Variants in QRFPR observed in about 807,000 individuals in gnomAD.
The protein encoded by QRFPR is pyroglutamylated RF-amide peptide receptor.
QRFPR carries 37 observed loss-of-function variants against 31.3 expected under a neutral mutation model. That is an observed-to-expected ratio of 1.18 (90% CI 0.91 to 1.56). QRFPR has a LOEUF of 1.56. QRFPR is among the 40% of genes most tolerant of loss of function. QRFPR has a pLI of 0.00. For missense variants in QRFPR, 542 were observed against 532.5 expected, an observed-to-expected ratio of 1.02 and a Z score of -0.18; for synonymous variants, 197 against 192.0, an observed-to-expected ratio of 1.03 and a Z score of -0.22.
intron 5 of QRFPR, 94 bp downstream of exon 5, chr4:121,330,332 T>G (rs1725298337): frequency 1.2e-6 from 1 of 837,230 alleles, no homozygotes; most frequent in Non-Finnish European, 1.9e-6. Context: ...TATTTGATTA[T>G]CCAAGTGAAC....
chr4:121,336,297 T>A (rs1337330344), intron 3 of QRFPR, among the ~76,000 whole-genome samples: 1 of 152,152 alleles, frequency 6.6e-6, no homozygotes, highest in African/African-American at 2.4e-5. Flanking sequence ...TGGGCCTGTC[T>A]GACAAAGGTG....
intron 1 of QRFPR, among the ~76,000 whole-genome samples, chr4:121,350,044 G>A (rs952422272): frequency 1.3e-5 from 2 of 152,186 alleles, no homozygotes; most frequent in Admixed American, 1.3e-4. Flanking sequence ...TTAAAATGTA[G>A]TTATTGTCAA....
chr4:121,352,608 A>G (rs759229119), intron 1 of QRFPR, among the ~76,000 whole-genome samples: 2 of 152,070 alleles, frequency 1.3e-5, no homozygotes, highest in Non-Finnish European at 2.9e-5. Context: ...CATAATGGTT[A>G]TACATATTTA....
chr4:121,349,243 T>C (rs1725718827), intron 1 of QRFPR, among the ~76,000 whole-genome samples: 2 of 152,182 alleles, frequency 1.3e-5, no homozygotes, highest in Admixed American at 1.3e-4. Context: ...TTTACTCTTT[T>C]TCCATAGCCC....
chr4:121,380,205 G>GAGAGAGAGAGAGAGAGAA, intron 1 of QRFPR, 103 bp downstream of exon 1: 1 of 326,440 alleles, frequency 3.1e-6, no homozygotes, highest in Non-Finnish European at 5.5e-6. Flanking sequence ...GAGAGAGAGA[G>GAGAGAGAGAGAGAGAGAA]AGAGAGAGAG....
At position 121,380,503 on chromosome 4, in the gene QRFPR, C is replaced by G; in HGVS notation, c.145G>C (p.Val49Leu). The change falls in exon 1 of 6, where the codon GTG becomes CTG. Residue 49 changes from valine (V) to leucine (L), a missense_variant. Physicochemically the swap from Val to Leu is conservative, Grantham distance 32. Coordinates refer to ENST00000394427, the MANE Select transcript of QRFPR (RefSeq NM_198179.3). ...ELPGRAKLAL[V>L]LTGVLIFALA... The stretch of plus-strand genomic sequence containing the variant: ...GCGAAGATGAGCACGCCGGTGAGCA[C>G]GAGGGCCAGCTTGGCGCGTCCCGGC... 5.0e-6 allele frequency: 8 copies of G among 1,614,146 alleles called. No homozygotes were observed. The highest frequency in any genetic ancestry group is 6.8e-6 in the Non-Finnish European group (8 of 1,179,996).
chr4:121,341,981 T>C (rs1725551408), intron 1 of QRFPR, among the ~76,000 whole-genome samples: 1 of 152,190 alleles, frequency 6.6e-6, no homozygotes, highest in Non-Finnish European at 1.5e-5. Context: ...TGGACTGGCT[T>C]AAGGAATACC....
chr4:121,347,630 A>T (rs533588885), intron 1 of QRFPR, among the ~76,000 whole-genome samples: 1 of 152,248 alleles, frequency 6.6e-6, no homozygotes, highest in South Asian at 2.1e-4. Flanking sequence ...CCAACAGTTT[A>T]TCTTGCCCCC....
intron 3 of QRFPR, among the ~76,000 whole-genome samples, 197 bp from the exon 4 acceptor site, chr4:121,333,253 G>C (rs1296899388): frequency 2.0e-5 from 3 of 152,134 alleles, no homozygotes; most frequent in Non-Finnish European, 4.4e-5. Context: ...AAGTTCTTAA[G>C]AGTTTTATAC....
At chr4:121,334,312 T>A (rs1725392864) in intron 3 of QRFPR, among the ~76,000 whole-genome samples, 1 of 152,232 alleles carries the variant, frequency 6.6e-6, no homozygotes, top group Non-Finnish European at 1.5e-5. Context: ...ATTTCAGATC[T>A]TTGATCTTCA....
chr4:121,363,464 T>C lies in QRFPR; in HGVS notation c.340+16844A>G, dbSNP rs1221935596. On this transcript the variant is annotated intron_variant, in intron 1 of 5. Coordinates refer to ENST00000394427, the MANE Select transcript of QRFPR (RefSeq NM_198179.3). ...CTCATGTGCATCACATGAACCATCATTGCTACAAAATAGCCTTGCCATAAT... is the reference window on the plus strand; with the variant it reads ...CTCATGTGCATCACATGAACCATCACTGCTACAAAATAGCCTTGCCATAAT... 1.9e-4 allele frequency among the ~76,000 whole-genome samples: 28 copies of C among 150,226 alleles called. 2 individuals carry two copies.
At chr4:121,353,430 T>G (rs2110475727) in intron 1 of QRFPR, among the ~76,000 whole-genome samples, 1 of 152,248 alleles carries the variant, frequency 6.6e-6, no homozygotes, top group East Asian at 1.9e-4. Context: ...TAAGATTCTA[T>G]CACATTGTGG....
intron 1 of QRFPR, among the ~76,000 whole-genome samples, chr4:121,367,683 A>G (rs1726154702): frequency 6.7e-6 from 1 of 150,200 alleles, no homozygotes; most frequent in Non-Finnish European, 1.5e-5. Flanking sequence ...AACTTCGAAT[A>G]TGTGAACAAC....
intron 1 of QRFPR, among the ~76,000 whole-genome samples, chr4:121,370,825 G>C (rs555634972): frequency 1.3e-5 from 2 of 152,270 alleles, no homozygotes; most frequent in South Asian, 4.1e-4. Flanking sequence ...GAAGTAAGAA[G>C]AACTAGATAT....
At chr4:121,345,519 T>C (rs1466451415) in intron 1 of QRFPR, among the ~76,000 whole-genome samples, 1 of 152,240 alleles carries the variant, frequency 6.6e-6, no homozygotes, top group African/African-American at 2.4e-5. Context: ...TACTATGGGC[T>C]ATGTTCTCTC....
chr4:121,343,474 T>C (rs1725582804), intron 1 of QRFPR, among the ~76,000 whole-genome samples: 1 of 152,216 alleles, frequency 6.6e-6, no homozygotes, highest in South Asian at 2.1e-4. Context: ...AGGCCGTCTT[T>C]TATTTAGAAA....
chr4:121,353,800 T>C (rs1725811334), intron 1 of QRFPR, among the ~76,000 whole-genome samples: 1 of 152,150 alleles, frequency 6.6e-6, no homozygotes, highest in South Asian at 2.1e-4. Flanking sequence ...ATCAATGTTC[T>C]GGACTGTTTA....
Position 121,340,485 on chromosome 4 carries a change from G to GCCACTTCATT in QRFPR, c.456_465dup (p.Gln156AsnfsTer35), listed in dbSNP as rs1377555434. The stretch of plus-strand genomic sequence containing the variant: ...GTGAAAGCCCTTCGGTTGGTGTATT[G>GCCACTTCATT]CCACTTCATTTTAAAAGGATGCACA... On this transcript the variant is annotated frameshift_variant, in exon 2 of 6. Transcript: ENST00000394427. LOFTEE classifies it high-confidence loss of function. 6.2e-7 allele frequency: 1 copy of GCCACTTCATT among 1,614,012 alleles called. No individual in the cohort carries two copies. Among genetic ancestry groups the GCCACTTCATT allele is most frequent in the Non-Finnish European group, 8.5e-7 (1 of 1,179,956 alleles).
At chr4:121,371,132 G>T (rs1217495559) in intron 1 of QRFPR, among the ~76,000 whole-genome samples, 1 of 152,112 alleles carries the variant, frequency 6.6e-6, no homozygotes, top group East Asian at 1.9e-4. Flanking sequence ...ATTTCTCCCA[G>T]GATGTAGGAA....
Sources: gnomAD v4.1 joint callset for allele counts (sites outside exome capture counted in the v4.1 genomes callset) on GRCh38, gnomAD v4.1.1 for gene constraint, MANE v1.5 for transcripts, NCBI Gene and HGNC (gene_info 2026-07-23, HGNC 2026-07-21) for gene names.